LRP1B: variants seen among roughly 807,000 people sequenced by gnomAD.
LRP1B encodes the protein LDL receptor related protein 1B.
A neutral mutation model predicts 556.6 loss-of-function variants in LRP1B; 217 were observed. That is an observed-to-expected ratio of 0.39 (90% CI 0.35 to 0.44). The LOEUF (loss-of-function observed/expected upper bound fraction) is 0.44, where lower values mean the gene tolerates loss of function less well. LRP1B is among the 20% of genes least tolerant of loss of function. The pLI is 1.00. For synonymous variants in LRP1B, 2,047 were observed against 1,865.8 expected, an observed-to-expected ratio of 1.10 and a Z score of -2.50; for missense variants, 5,053 against 5,620.8, an observed-to-expected ratio of 0.90 and a Z score of 3.23.
At position 140,855,493 on chromosome 2, in the gene LRP1B, G is replaced by GAAAAAAAAAAAAAA. The variant is rs56835236; in HGVS notation, c.4580-3711_4580-3710insTTTTTTTTTTTTTT. Among the ~76,000 whole-genome samples, 8 of 99,366 alleles carry GAAAAAAAAAAAAAA rather than the reference G, an allele frequency of 8.1e-5. 1 individual carries two copies. Among genetic ancestry groups the GAAAAAAAAAAAAAA allele is most frequent in the Non-Finnish European group, 1.6e-4 (8 of 48,968 alleles). The allele number at this position is 99,366 out of a possible 152,430, so 65.2% of individuals were successfully genotyped here. On this transcript the variant is annotated intron_variant, in intron 27 of 90. Coordinates refer to ENST00000389484, the MANE Select transcript of LRP1B (RefSeq NM_018557.3). ...GACAGGTAGGTCCCATCTCTACTGG[G>GAAAAAAAAAAAAAA]AAAAAAAAAAAATTTGAATGGCTTC...
At chr2:140,422,018 TAATCAAGCACAG>T (rs1685467300) in intron 66 of LRP1B, among the ~76,000 whole-genome samples, 1 of 152,200 alleles carries the variant, frequency 6.6e-6, no homozygotes, top group Non-Finnish European at 1.5e-5. Flanking sequence ...TTTTGTACAC[TAATCAAGCACAG>T]AATATTGAAA....
chr2:140,568,353 CTG>C (rs763970462), intron 43 of LRP1B, among the ~76,000 whole-genome samples: 2 of 151,330 alleles, frequency 1.3e-5, no homozygotes, highest in Non-Finnish European at 3.0e-5. Context: ...AAAAATATAA[CTG>C]AGAGTTTCAA....
chr2:140,405,527 C>A (rs1684692131), intron 66 of LRP1B, among the ~76,000 whole-genome samples: 1 of 151,952 alleles, frequency 6.6e-6, no homozygotes, highest in Non-Finnish European at 1.5e-5. Flanking sequence ...AAAGTGGAAA[C>A]ATTACAACCA....
At chr2:141,009,229 G>A (rs12623113) in intron 14 of LRP1B, among the ~76,000 whole-genome samples, 5,503 of 151,306 alleles carry the variant, frequency 0.036, 342 homozygotes, top group East Asian at 0.28. Context: ...ACTCGAGCTT[G>A]TAGTTTAGAA....
intron 3 of LRP1B, among the ~76,000 whole-genome samples, chr2:141,309,726 G>C (rs1221027059): frequency 1.3e-5 from 2 of 152,070 alleles, no homozygotes; most frequent in Non-Finnish European, 2.9e-5. Context: ...GGTAGAGGGT[G>C]AGGGGAGGGA....
rs568672696 is a variant in LRP1B, at chr2:140,393,639, G to GTAA, written c.10415-7633_10415-7631dup. Among the ~76,000 whole-genome samples, 18 of 152,038 alleles carry GTAA rather than the reference G, an allele frequency of 1.2e-4. No individual in the cohort carries two copies. The East Asian group carries it at 3.3e-3, about 28-fold the overall frequency. ...ATTACAAATAGTTGGGTAACAGGTA[G>GTAA]TAATGTTGGTTACCAATAAATAAAT... On this transcript the variant is annotated intron_variant, in intron 66 of 90. Coordinates refer to ENST00000389484, the MANE Select transcript of LRP1B (RefSeq NM_018557.3).
intron 1 of LRP1B, among the ~76,000 whole-genome samples, chr2:141,832,149 T>G (rs1697131399): frequency 6.6e-6 from 1 of 151,714 alleles, no homozygotes; most frequent in Admixed American, 6.6e-5. Context: ...GAGAATACAG[T>G]TGGAATGACT....
chr2:140,538,903 G>C (rs1680029904), intron 45 of LRP1B, among the ~76,000 whole-genome samples: 1 of 151,964 alleles, frequency 6.6e-6, no homozygotes, highest in Admixed American at 6.6e-5. Flanking sequence ...ACTATTCAAA[G>C]ATAAATATGT....
At chr2:140,413,908 A>G (rs937395206) in intron 66 of LRP1B, among the ~76,000 whole-genome samples, 2 of 152,032 alleles carry the variant, frequency 1.3e-5, no homozygotes, top group Non-Finnish European at 2.9e-5. Flanking sequence ...TTTTCCAGAA[A>G]TACTTTCTAA....
chr2:140,791,746 C>T (rs545957555), intron 32 of LRP1B, among the ~76,000 whole-genome samples: 8 of 152,272 alleles, frequency 5.3e-5, no homozygotes, highest in African/African-American at 1.9e-4. Context: ...CTGAGAGCTG[C>T]CTTGTACCAG....
intron 29 of LRP1B, among the ~76,000 whole-genome samples, chr2:140,846,450 G>C (rs181462559): frequency 6.6e-6 from 1 of 152,024 alleles, no homozygotes; most frequent in Non-Finnish European, 1.5e-5. Context: ...CCAGCTACTC[G>C]GGAGGCTGAG....
At chr2:141,231,168 G>A (rs1261870847) in intron 5 of LRP1B, among the ~76,000 whole-genome samples, 2 of 152,184 alleles carry the variant, frequency 1.3e-5, no homozygotes, top group Non-Finnish European at 2.9e-5. Context: ...CACTGTAAAG[G>A]TAGGACAAAA....
intron 3 of LRP1B, among the ~76,000 whole-genome samples, chr2:141,425,198 C>T (rs1254819515): frequency 6.6e-6 from 1 of 151,844 alleles, no homozygotes; most frequent in Non-Finnish European, 1.5e-5. Context: ...CGATAGTTTA[C>T]TGAGAATGAT....
At chr2:141,007,415 T>A (rs1280239371) in intron 14 of LRP1B, among the ~76,000 whole-genome samples, 1 of 151,818 alleles carries the variant, frequency 6.6e-6, no homozygotes, top group East Asian at 1.9e-4. Flanking sequence ...AAAAAATACA[T>A]ATGAAAGCCA....
chr2:141,359,228 C>T (rs1435892653), intron 3 of LRP1B, among the ~76,000 whole-genome samples: 1 of 110,136 alleles, frequency 9.1e-6, no homozygotes, highest in African/African-American at 3.4e-5. Context: ...CCCAGAAAAG[C>T]AGAAGAAATA....
chr2:141,883,802 A>G (rs1389481107), intron 1 of LRP1B, among the ~76,000 whole-genome samples: 1 of 152,194 alleles, frequency 6.6e-6, no homozygotes, highest in Non-Finnish European at 1.5e-5. Context: ...TTTAATCTCA[A>G]CATTCTCCAA....
intron 2 of LRP1B, among the ~76,000 whole-genome samples, chr2:141,644,808 TC>T (rs1213710353): frequency 7.0e-6 from 1 of 142,876 alleles, no homozygotes; most frequent in Non-Finnish European, 1.5e-5. Flanking sequence ...ACAGGAAAAC[TC>T]ATGGAAAAAA....
Position 140,716,085 on chromosome 2 carries a change from C to T in LRP1B, c.5911G>A (p.Asp1971Asn), listed in dbSNP as rs1256177302. The T allele has an allele frequency of 6.2e-7, 1 of 1,603,732 alleles. No individual in the cohort carries two copies. The highest frequency in any genetic ancestry group is 2.2e-5 in the East Asian group (1 of 44,682). Residue 1971 changes from aspartate (D) to asparagine (N), a missense_variant, in exon 37 of 91, where the codon GAT (aspartate) becomes AAT (asparagine). Physicochemically the swap from Asp to Asn is conservative, Grantham distance 23 (BLOSUM62 1). This residue lies in a region of LRP1B where 3,619 missense variants were observed against 3,931.9 expected (regional missense o/e 0.92). Coordinates refer to ENST00000389484, the MANE Select transcript of LRP1B (RefSeq NM_018557.3). ...DWIAGNIYWT[D>N]HGFNLIEVAR... Reference sequence around the variant, plus strand: ...ACTTCAATTAAGTTGAAACCATGATCTGTCCAATATATGTTACCTAGGAGA... The same window carrying T: ...ACTTCAATTAAGTTGAAACCATGATTTGTCCAATATATGTTACCTAGGAGA...
intron 66 of LRP1B, among the ~76,000 whole-genome samples, chr2:140,420,970 CCTGGG>C (rs1245356336): frequency 1.4e-5 from 2 of 139,352 alleles, no homozygotes; most frequent in Admixed American, 7.1e-5. Flanking sequence ...TGTGTGGTTT[CCTGGG>C]CTGGGCACAG....
Sources: allele counts gnomAD v4.1 joint callset (sites outside exome capture counted in the v4.1 genomes callset), GRCh38; gene constraint gnomAD v4.1.1; regional missense constraint gnomAD v4.1.1; transcripts MANE v1.5; gene names NCBI Gene and HGNC (gene_info 2026-07-23, HGNC 2026-07-21).